TBC1D32: variants seen among roughly 807,000 people sequenced by gnomAD.
The protein encoded by TBC1D32 is TBC1 domain family member 32.
In TBC1D32, 151 loss-of-function variants were observed where a neutral mutation model predicts 170.3. The observed-to-expected ratio is 0.89, with a 90% CI of 0.78 to 1.01. The LOEUF (loss-of-function observed/expected upper bound fraction) is 1.01, where lower values mean the gene tolerates loss of function less well. TBC1D32 is among the 50% of genes least tolerant of loss of function. The pLI is 0.00. For missense variants in TBC1D32, 1,464 were observed against 1,457.1 expected, an observed-to-expected ratio of 1.00 and a Z score of -0.08; for synonymous variants, 498 against 488.0, an observed-to-expected ratio of 1.02 and a Z score of -0.27.
In TBC1D32 at chr6:121,216,653, T is replaced by C. The variant is rs201210064; in HGVS notation, c.2481+6583A>G. Among the ~76,000 whole-genome samples, 21 of 152,330 alleles carry C rather than the reference T, an allele frequency of 1.4e-4. No homozygotes were observed. In the East Asian group the frequency reaches 3.1e-3, roughly 22 times the overall value. ...AGAGGCAAGGAATTTAGTGACTCTA[T>C]ATGTAATACATTTGACCATATGTGG... On this transcript the variant is annotated intron_variant, in intron 21 of 31. Coordinates refer to ENST00000398212, the MANE Select transcript of TBC1D32 (RefSeq NM_152730.6).
At position 121,312,514 on chromosome 6, in the gene TBC1D32, G is replaced by C. The variant is rs975786761; in HGVS notation, c.496-1667C>G. Among the ~76,000 whole-genome samples the C allele has an allele frequency of 1.3e-5, 2 of 152,072 alleles. 1 individual carries two copies. The highest frequency in any genetic ancestry group is 2.9e-5 in the Non-Finnish European group (2 of 68,024). ...TGCAATTAGGGAAGCAGGAGCCTAG[G>C]AGAGCCACAGTGACCTCATTTTAAA... On this transcript the variant is annotated intron_variant, in intron 3 of 31. Transcript: ENST00000398212.
chr6:121,112,270 A>C, intron 29 of TBC1D32: 1 of 283,044 alleles, frequency 3.5e-6, no homozygotes, highest in East Asian at 6.4e-5. Context: ...TCATGTTTCT[A>C]CTTCATGAAA....
rs1786781458 is a variant in TBC1D32, at chr6:121,170,268, G to A, written c.2571-9212C>T. On this transcript the variant is annotated intron_variant, in intron 22 of 31. Transcript: ENST00000398212. ...TTTCTGTGACATTTACACTTTAGCTGCTTTGTATTCTGTTATTTAAATTGA... is the reference window on the plus strand; with the variant it reads ...TTTCTGTGACATTTACACTTTAGCTACTTTGTATTCTGTTATTTAAATTGA... The A allele has an allele frequency of 3.3e-6, 3 of 899,916 alleles. No homozygotes were observed. The South Asian group carries it at 6.1e-5, about 18-fold the overall frequency. The allele number at this position is 899,916 out of a possible 1,614,324, so 55.7% of individuals were successfully genotyped here. A position where few individuals can be genotyped will look rare whatever the true frequency, so the allele number is the denominator to read the frequency against.
chr6:121,158,085 T>C (rs139120996), intron 24 of TBC1D32, among the ~76,000 whole-genome samples: 1 of 152,270 alleles, frequency 6.6e-6, no homozygotes, highest in African/African-American at 2.4e-5. Context: ...GGACTTCAAA[T>C]GTTTTCCAAG....
At chr6:121,304,727 A>C in intron 6 of TBC1D32, 28 bp downstream of exon 6, 6 of 1,564,878 alleles carry the variant, frequency 3.8e-6, no homozygotes, top group Non-Finnish European at 5.2e-6. Context: ...ATGACAAAAA[A>C]CATTTTTAAA....
At chr6:121,160,344 T>C (rs1785458490) in intron 23 of TBC1D32, among the ~76,000 whole-genome samples, 1 of 151,702 alleles carries the variant, frequency 6.6e-6, no homozygotes, top group Non-Finnish European at 1.5e-5. Flanking sequence ...TGGTAACTTG[T>C]AGTAAGCAGA....
intron 24 of TBC1D32, among the ~76,000 whole-genome samples, chr6:121,152,453 G>A (rs190353112): frequency 1.0e-3 from 156 of 152,168 alleles, no homozygotes; most frequent in African/African-American, 3.2e-3. Flanking sequence ...TTTCAACCTT[G>A]GTGATTCTGT....
At chr6:121,113,284 T>C (rs561987059) in intron 27 of TBC1D32, 107 bp from the exon 28 acceptor site, 1 of 623,192 alleles carries the variant, frequency 1.6e-6, no homozygotes, top group South Asian at 2.6e-5. Context: ...TATGAAAGAT[T>C]AGCTCTCAAT....
At chr6:121,321,819 A>G in intron 1 of TBC1D32, 25 bp from the exon 2 acceptor site, 1 of 1,593,122 alleles carries the variant, frequency 6.3e-7, no homozygotes, top group Non-Finnish European at 8.5e-7. Context: ...TAGAAAATAA[A>G]TGCGGTAAAT....
intron 30 of TBC1D32, among the ~76,000 whole-genome samples, chr6:121,099,241 A>G (rs1777744146): frequency 1.3e-5 from 2 of 151,954 alleles, no homozygotes; most frequent in Non-Finnish European, 1.5e-5. Flanking sequence ...TTAAAGATAC[A>G]TGGTACTTCT....
rs375739212 is a variant in TBC1D32, at chr6:121,334,469, C to T, written c.-39G>A. 1 of 1,589,308 alleles carries T rather than the reference C, an allele frequency of 6.3e-7. No individual in the cohort carries two copies. Among genetic ancestry groups the T allele is most frequent in the Admixed American group, 1.8e-5 (1 of 55,836 alleles). ...AACGTCCACTCTCATTACTCCAGGT[C>T]CGAGCAAAAGCCGCGCACTGCGCAC... is the stretch of plus-strand genomic sequence containing the variant. On this transcript the variant is annotated 5_prime_UTR_variant, in exon 1 of 32. Transcript: ENST00000398212.
At chr6:121,304,475 T>G (rs561826221) in intron 7 of TBC1D32, 47 bp downstream of exon 7, 1 of 1,602,100 alleles carries the variant, frequency 6.2e-7, no homozygotes, top group Admixed American at 1.7e-5. Flanking sequence ...TCCTCAAATA[T>G]AAAACTAAAT....
chr6:121,296,356 G>T (rs1029227627), intron 10 of TBC1D32, among the ~76,000 whole-genome samples: 43 of 151,958 alleles, frequency 2.8e-4, no homozygotes, highest in African/African-American at 1.0e-3. Context: ...GTTGTCTTGG[G>T]GACCCTCCCC....
At chr6:121,197,265 C>A (rs1790860151) in intron 22 of TBC1D32, among the ~76,000 whole-genome samples, 1 of 152,172 alleles carries the variant, frequency 6.6e-6, no homozygotes. Flanking sequence ...GAAACTACAA[C>A]AGCCCAATCC....
At chr6:121,093,337 G>A (rs893348759) in intron 30 of TBC1D32, among the ~76,000 whole-genome samples, 1 of 152,126 alleles carries the variant, frequency 6.6e-6, no homozygotes, top group Non-Finnish European at 1.5e-5. Context: ...GAAGCAGTCA[G>A]TAGTACTTTG....
At chr6:121,169,536 T>C (rs1423162715) in intron 22 of TBC1D32, among the ~76,000 whole-genome samples, 1 of 152,182 alleles carries the variant, frequency 6.6e-6, no homozygotes, top group Non-Finnish European at 1.5e-5. Context: ...TTGATAAATT[T>C]TACTGCATTT....
At chr6:121,223,656 T>A (rs986650835) in intron 20 of TBC1D32, among the ~76,000 whole-genome samples, 1 of 152,126 alleles carries the variant, frequency 6.6e-6, no homozygotes, top group Non-Finnish European at 1.5e-5. Context: ...TAATCCATCT[T>A]TCTCATTCTT....
At chr6:121,146,164 C>T (rs1251581585) in intron 24 of TBC1D32, among the ~76,000 whole-genome samples, 1 of 152,080 alleles carries the variant, frequency 6.6e-6, no homozygotes, top group African/African-American at 2.4e-5. Flanking sequence ...AGAATTTGTA[C>T]ATATATAGAA....
Position 121,131,770 on chromosome 6 carries a change from A to T in TBC1D32, c.2774-18T>A. 6.4e-7 allele frequency: 1 copy of T among 1,558,094 alleles called. No individual in the cohort carries two copies. The highest frequency in any genetic ancestry group is 1.1e-5 in the South Asian group (1 of 88,670). ...ATCATTGTCTAATCAGAAAGATAAC[A>T]TACTATTATAATAAGACATGCTAGA... On this transcript the variant is annotated intron_variant, in intron 24 of 31. Coordinates refer to ENST00000398212, the MANE Select transcript of TBC1D32 (RefSeq NM_152730.6).
Sources: gnomAD v4.1 joint callset for allele counts (sites outside exome capture counted in the v4.1 genomes callset) on GRCh38, gnomAD v4.1.1 for gene constraint, MANE v1.5 for transcripts, NCBI Gene and HGNC (gene_info 2026-07-23, HGNC 2026-07-21) for gene names.